DGKB: variants seen among roughly 807,000 people sequenced by gnomAD.
DGKB encodes the protein diacylglycerol kinase beta.
A neutral mutation model predicts 114.3 loss-of-function variants in DGKB; 67 were observed. The ratio of observed to expected loss-of-function variants is 0.59; its 90% CI spans 0.48 to 0.72. The LOEUF is 0.72. Among genes scored for constraint, DGKB ranks in the 30% least tolerant of loss-of-function variants. The pLI, the probability that DGKB is intolerant of heterozygous loss-of-function variation, is 0.00. For synonymous variants in DGKB, 398 were observed against 323.1 expected, an observed-to-expected ratio of 1.23 and a Z score of -2.49; for missense variants, 907 against 975.2, an observed-to-expected ratio of 0.93 and a Z score of 0.93.
At chr7:14,599,385 T>C (rs890712981) in intron 17 of DGKB, among the ~76,000 whole-genome samples, 3 of 152,170 alleles carry the variant, frequency 2.0e-5, no homozygotes, top group African/African-American at 7.2e-5. Flanking sequence ...CACTCTGTTC[T>C]AGTCTCCCTG....
intron 1 of DGKB, among the ~76,000 whole-genome samples, chr7:14,968,365 T>C (rs1006831278): frequency 6.6e-6 from 1 of 152,158 alleles, no homozygotes; most frequent in Admixed American, 6.5e-5. Flanking sequence ...AATATTGTAT[T>C]CACAGTAAAA....
chr7:14,517,191 A>G (rs1788949684), intron 20 of DGKB, among the ~76,000 whole-genome samples: 1 of 152,184 alleles, frequency 6.6e-6, no homozygotes. Context: ...AAGCTGACAA[A>G]AACAAGCGAT....
chr7:14,788,008 CTG>C (rs1840137435), intron 2 of DGKB, among the ~76,000 whole-genome samples: 1 of 152,218 alleles, frequency 6.6e-6, no homozygotes, highest in Non-Finnish European at 1.5e-5. Flanking sequence ...CTGGCTAAGA[CTG>C]AGGTTATGAC....
In DGKB at chr7:14,673,074, C is replaced by T. The variant is rs374793937; in HGVS notation, c.1036-47G>A. On this transcript the variant is annotated intron_variant, in intron 12 of 25. Transcript: ENST00000402815. ...TAGTATCAAATTCTACATGACAACG[C>T]CTAACATGGGGGAGATTATATTTCA... is the stretch of plus-strand genomic sequence containing the variant. The T allele has an allele frequency of 2.3e-5, 25 of 1,065,708 alleles. No homozygotes were observed. In the African/African-American group the frequency reaches 3.1e-4, roughly 13 times the overall value. 66.0% of individuals were successfully genotyped at this position (1,065,708 alleles called of 1,614,324 possible).
chr7:14,509,290 T>C (rs1279210339), intron 20 of DGKB, among the ~76,000 whole-genome samples: 10 of 152,020 alleles, frequency 6.6e-5, no homozygotes, highest in African/African-American at 2.4e-4. Flanking sequence ...CTCCCCTGTG[T>C]GAGACACCCA....
chr7:14,736,610 G>C (rs1186356286), intron 4 of DGKB, among the ~76,000 whole-genome samples: 1 of 152,208 alleles, frequency 6.6e-6, no homozygotes, highest in African/African-American at 2.4e-5. Flanking sequence ...GGCACTCAGA[G>C]AGAAAGGAAT....
At chr7:14,462,162 A>G (rs1833179640) in intron 21 of DGKB, among the ~76,000 whole-genome samples, 1 of 152,218 alleles carries the variant, frequency 6.6e-6, no homozygotes, top group Admixed American at 6.5e-5. Context: ...CTGAATGGGC[A>G]AAAGCTGGAA....
At chr7:14,326,287 C>CT (rs947127584) in intron 23 of DGKB, among the ~76,000 whole-genome samples, 12 of 151,036 alleles carry the variant, frequency 7.9e-5, no homozygotes, top group Non-Finnish European at 7.4e-5. Context: ...CTAATTTGCT[C>CT]TTTTTTTTTC....
At chr7:14,260,216 G>A (rs534530485) in intron 23 of DGKB, among the ~76,000 whole-genome samples, 1 of 152,122 alleles carries the variant, frequency 6.6e-6, no homozygotes, top group African/African-American at 2.4e-5. Context: ...TCTTTTAGGA[G>A]GTGCCAACAG....
intron 2 of DGKB, among the ~76,000 whole-genome samples, chr7:14,837,778 G>A (rs72595977): frequency 0.069 from 10,543 of 152,162 alleles, 672 homozygotes; most frequent in East Asian, 0.32. Context: ...TCTTCAGGAT[G>A]ATGTTTGTTT....
chr7:14,311,637 G>A (rs1027800235), intron 23 of DGKB, among the ~76,000 whole-genome samples: 1 of 152,060 alleles, frequency 6.6e-6, no homozygotes, highest in Non-Finnish European at 1.5e-5. Context: ...CATTGCCCAG[G>A]CTGGTTTCAA....
chr7:14,324,641 T>G (rs77915169), intron 23 of DGKB, among the ~76,000 whole-genome samples: 4,563 of 152,098 alleles, frequency 0.03, 91 homozygotes, highest in Non-Finnish European at 0.049. Context: ...AAACAATAAT[T>G]ATACTTTCTA....
chr7:14,884,234 C>G (rs542056650), intron 1 of DGKB, among the ~76,000 whole-genome samples: 8 of 152,020 alleles, frequency 5.3e-5, no homozygotes, highest in Admixed American at 2.0e-4. Context: ...GACCCTTGTT[C>G]TAGGCAACAC....
At chr7:14,517,538 GA>G (rs1192660853) in intron 20 of DGKB, among the ~76,000 whole-genome samples, 1 of 151,826 alleles carries the variant, frequency 6.6e-6, no homozygotes, top group African/African-American at 2.4e-5. Context: ...CTACAGATTG[GA>G]AAAAGCTTTT....
intron 20 of DGKB, among the ~76,000 whole-genome samples, chr7:14,484,177 T>C (rs777095639): frequency 1.3e-5 from 2 of 152,104 alleles, no homozygotes; most frequent in Non-Finnish European, 2.9e-5. Flanking sequence ...CAAAAAGGCA[T>C]AAGAGCACAT....
chr7:14,317,303 G>A (rs1806763838), intron 23 of DGKB, among the ~76,000 whole-genome samples: 1 of 101,852 alleles, frequency 9.8e-6, no homozygotes, highest in African/African-American at 4.0e-5. Context: ...GGCAGGAGAA[G>A]GAAATAAGGG....
chr7:14,653,672 A>C (rs2128906640), intron 13 of DGKB, among the ~76,000 whole-genome samples: 1 of 152,082 alleles, frequency 6.6e-6, no homozygotes, highest in South Asian at 2.1e-4. Context: ...AAAAAAAGAT[A>C]ATTCACCATG....
chr7:14,704,663 T>G (rs1421279280), intron 6 of DGKB, among the ~76,000 whole-genome samples: 2 of 152,076 alleles, frequency 1.3e-5, no homozygotes, highest in Non-Finnish European at 2.9e-5. Flanking sequence ...CCCTAACCCC[T>G]GACCCCTGAG....
chr7:14,607,586 A>G, intron 16 of DGKB, 78 bp from the exon 17 acceptor site: 1 of 549,782 alleles, frequency 1.8e-6, no homozygotes, highest in South Asian at 2.7e-5. Flanking sequence ...TCAGTGTTAT[A>G]AAATATATAT....
Sources: gnomAD v4.1 joint callset for allele counts (sites outside exome capture counted in the v4.1 genomes callset) on GRCh38, gnomAD v4.1.1 for gene constraint, MANE v1.5 for transcripts, NCBI Gene and HGNC (gene_info 2026-07-23, HGNC 2026-07-21) for gene names.